The following COX6C variants were observed in gnomAD, a reference collection of about 807,000 sequenced individuals.
COX6C encodes the protein cytochrome c oxidase polypeptide VIc.
COX6C carries 3 observed loss-of-function variants against 6.9 expected under a neutral mutation model. The ratio of observed to expected loss-of-function variants is 0.43; its 90% confidence interval spans 0.20 to 1.12. The LOEUF is 1.12. Among genes scored for constraint, COX6C ranks in the 50% most tolerant of loss-of-function variants. The probability of loss-of-function intolerance (pLI) is 0.27; values close to 1 mark genes in which losing one functional copy is unlikely to be tolerated. For synonymous variants in COX6C, 32 were observed against 32.0 expected, an observed-to-expected ratio of 1.00 and a Z score of 0.00; for missense variants, 101 against 97.3, an observed-to-expected ratio of 1.04 and a Z score of -0.16.
At chr8:99,888,349 A>G (rs1337102153) in intron 2 of COX6C, among the ~76,000 whole-genome samples, 2 of 152,014 alleles carry the variant, frequency 1.3e-5, no homozygotes, top group East Asian at 3.9e-4. Context: ...AAGGGGGGCG[A>G]ATCACAAGGT....
intron 3 of COX6C, among the ~76,000 whole-genome samples, chr8:99,879,803 C>T (rs1222879719): frequency 1.3e-5 from 2 of 152,168 alleles, no homozygotes; most frequent in Admixed American, 1.3e-4. Flanking sequence ...TGCTTTCTGT[C>T]TTGCCTGAAT....
intron 2 of COX6C, among the ~76,000 whole-genome samples, chr8:99,890,951 A>G (rs887033146): frequency 2.6e-5 from 4 of 152,270 alleles, no homozygotes; most frequent in African/African-American, 9.6e-5. Context: ...AAAATACAAT[A>G]TAAACTATTG....
chr8:99,891,759 T>C (rs2131012335), intron 2 of COX6C, 149 bp downstream of exon 2: 1 of 695,270 alleles, frequency 1.4e-6, no homozygotes, highest in East Asian at 2.6e-5. Flanking sequence ...CATTTAAAGA[T>C]GGAGGACAAG....
At position 99,888,299 on chromosome 8, in the gene COX6C, G is replaced by A. The variant is rs56256612; in HGVS notation, c.115-681C>T. Among the ~76,000 whole-genome samples the A allele has an allele frequency of 6.1e-3, 932 of 152,094 alleles. 10 individuals carry two copies. Among genetic ancestry groups the A allele is most frequent in the East Asian group, 0.038 (196 of 5,162 alleles). On this transcript the variant is annotated intron_variant, in intron 2 of 3. Transcript: ENST00000520468. ...TAAAATCAAGAGGCAGAGGTCGGGC[G>A]TGGTGGCTCATGCCTACAATCCCAG...
intron 2 of COX6C, among the ~76,000 whole-genome samples, chr8:99,889,634 C>A (rs569567095): frequency 6.6e-6 from 1 of 151,496 alleles, no homozygotes; most frequent in African/African-American, 2.4e-5. Flanking sequence ...GTGATCTGCC[C>A]GCCTCAGCCT....
chr8:99,891,477 A>G (rs1422011656), intron 2 of COX6C, among the ~76,000 whole-genome samples: 1 of 152,188 alleles, frequency 6.6e-6, no homozygotes. Context: ...CCTGTTTCAA[A>G]GAAAGAAAAA....
chr8:99,879,236 T>C (rs113394616), intron 3 of COX6C, among the ~76,000 whole-genome samples: 378 of 152,280 alleles, frequency 2.5e-3, no homozygotes, highest in African/African-American at 8.4e-3. Context: ...TTCTAGATAA[T>C]AGAACTTTAA....
At chr8:99,883,453 G>GTGTATATATATA (rs34497336) in intron 3 of COX6C, among the ~76,000 whole-genome samples, 1 of 135,150 alleles carries the variant, frequency 7.4e-6, no homozygotes, top group Admixed American at 7.3e-5. Context: ...GTGTGTGTGT[G>GTGTATATATATA]TATATATATA....
chr8:99,884,883 A>C (rs1315580024), intron 3 of COX6C, among the ~76,000 whole-genome samples: 1 of 152,250 alleles, frequency 6.6e-6, no homozygotes, highest in Non-Finnish European at 1.5e-5. Flanking sequence ...GTGTTCATGG[A>C]TTGGAATACT....
intron 2 of COX6C, among the ~76,000 whole-genome samples, chr8:99,887,878 G>A (rs1009915088): frequency 6.6e-6 from 1 of 151,966 alleles, no homozygotes; most frequent in Non-Finnish European, 1.5e-5. Context: ...GGGTGGGTGG[G>A]GTTCAACAGA....
chr8:99,891,883 GGCACAAAGTAA>G lies in COX6C; in HGVS notation c.114+14_114+24del. On this transcript the variant is annotated intron_variant, in intron 2 of 3. Transcript: ENST00000520468. ...CAAAAACACATACTTTATGACCTTC[GGCACAAAGTAA>G]AAAACATACATACCTTATACAAAGC... The G allele has an allele frequency of 6.3e-7, 1 of 1,598,044 alleles. No individual in the cohort carries two copies. The highest frequency in any genetic ancestry group is 8.6e-7 in the Non-Finnish European group (1 of 1,165,800).
chr8:99,891,297 T>A (rs545807634), intron 2 of COX6C, among the ~76,000 whole-genome samples: 151 of 152,300 alleles, frequency 9.9e-4, no homozygotes, highest in African/African-American at 3.4e-3. Context: ...ATGCCTGTAA[T>A]CCCAGCACTT....
At chr8:99,883,689 G>A (rs1261020480) in intron 3 of COX6C, among the ~76,000 whole-genome samples, 1 of 152,042 alleles carries the variant, frequency 6.6e-6, no homozygotes, top group Non-Finnish European at 1.5e-5. Context: ...TATAAGGCCA[G>A]CATTATCCTG....
chr8:99,888,126 AAAAAAAT>A (rs1290653704), intron 2 of COX6C, among the ~76,000 whole-genome samples: 1 of 150,886 alleles, frequency 6.6e-6, no homozygotes, highest in African/African-American at 2.4e-5. Flanking sequence ...AAAAAATAAA[AAAAAAAT>A]AAAAAATAAA....
At chr8:99,885,184 G>A (rs1817927210) in intron 3 of COX6C, among the ~76,000 whole-genome samples, 1 of 152,162 alleles carries the variant, frequency 6.6e-6, no homozygotes, top group African/African-American at 2.4e-5. Flanking sequence ...GTCAACTGTG[G>A]TTCAAAAACA....
At position 99,891,912 on chromosome 8, in the gene COX6C, T is replaced by C. The variant is rs1356669114; in HGVS notation, c.110A>G (p.Tyr37Cys). ...FVLSLGVAAL[Y>C]KFRVADQRKK... Reference sequence around the variant, plus strand: ...CAAAGTAAAAAACATACATACCTTATACAAAGCTGCAACCCCCAGGGATAG... The same window carrying C: ...CAAAGTAAAAAACATACATACCTTACACAAAGCTGCAACCCCCAGGGATAG... Residue 37 changes from tyrosine (Y) to cysteine (C), a missense_variant, in exon 2 of 4, where the codon TAT becomes TGT. Transcript: ENST00000520468. The C allele has an allele frequency of 1.2e-6, 2 of 1,613,886 alleles. No homozygotes were observed. Among genetic ancestry groups the C allele is most frequent in the African/African-American group, 1.3e-5 (1 of 75,048 alleles).
intron 1 of COX6C, among the ~76,000 whole-genome samples, chr8:99,892,808 G>T (rs1017308902): frequency 2.0e-5 from 3 of 152,122 alleles, no homozygotes; most frequent in Non-Finnish European, 4.4e-5. Context: ...GCTCCGCATT[G>T]GTAATTAACG....
Position 99,887,615 on chromosome 8 carries a change from G to A in COX6C, c.118C>T (p.Arg40Cys), listed in dbSNP as rs766823907. ...GCCTTCTTTCTTTGATCAGCCACAC[G>A]AAACTAAAAAGCAACCATCCATTAG... ...SLGVAALYKF[R>C]VADQRKKAYA... The change falls in exon 3 of 4, where the codon CGT (arginine) becomes TGT (cysteine). Residue 40 changes from arginine (R) to cysteine (C), a missense_variant. By Grantham distance (180) the Arg-to-Cys change is radical. Transcript: ENST00000520468. 1.8e-5 allele frequency: 29 copies of A among 1,588,150 alleles called. No individual in the cohort carries two copies. The highest frequency in any genetic ancestry group is 2.2e-5 in the East Asian group (1 of 44,504).
intron 2 of COX6C, among the ~76,000 whole-genome samples, chr8:99,889,106 C>G (rs926422220): frequency 1.3e-5 from 2 of 152,160 alleles, no homozygotes; most frequent in South Asian, 4.1e-4. Context: ...AACTAAGGAG[C>G]AAAAATTCTG....
Sources: gnomAD v4.1 joint callset for allele counts (sites outside exome capture counted in the v4.1 genomes callset) on GRCh38, gnomAD v4.1.1 for gene constraint, MANE v1.5 for transcripts, NCBI Gene and HGNC (gene_info 2026-07-23, HGNC 2026-07-21) for gene names.